The following ST6GALNAC3 variants were observed in gnomAD, a reference collection of about 807,000 sequenced individuals.
ST6GALNAC3 encodes the protein alpha-N-acetylgalactosaminide alpha-2,6-sialyltransferase 3.
ST6GALNAC3 carries 25 observed loss-of-function variants against 32.7 expected under a neutral mutation model. The ratio of observed to expected loss-of-function variants is 0.76; its 90% confidence interval spans 0.56 to 1.07. The LOEUF (loss-of-function observed/expected upper bound fraction) is 1.07. ST6GALNAC3 is among the 50% of genes least tolerant of loss of function. The pLI, the probability that ST6GALNAC3 is intolerant of heterozygous loss-of-function variation, is 0.00. For synonymous variants in ST6GALNAC3, 129 were observed against 133.1 expected (o/e 0.97, Z 0.21); for missense variants, 355 against 382.4 (o/e 0.93, Z 0.60).
chr1:76,408,351 C>T (rs1267327627), intron 2 of ST6GALNAC3, among the ~76,000 whole-genome samples: 1 of 152,048 alleles, frequency 6.6e-6, no homozygotes, highest in African/African-American at 2.4e-5. Context: ...AAGATGACGG[C>T]CATGGTGACA....
chr1:76,630,214 T>A lies in ST6GALNAC3; in HGVS notation c.*1408T>A, dbSNP rs1045045468. The A allele has an allele frequency of 1.1e-5, 11 of 985,104 alleles. No homozygotes were observed. The African/African-American group carries it at 1.9e-4, about 17-fold the overall frequency. 61.0% of individuals were successfully genotyped at this position (985,104 alleles called of 1,614,324 possible). A position where few individuals can be genotyped will look rare whatever the true frequency, so the allele number is the denominator to read the frequency against. On this transcript the variant is annotated 3_prime_UTR_variant, in exon 5 of 5. Coordinates refer to ENST00000328299, the MANE Select transcript of ST6GALNAC3 (RefSeq NM_152996.4). ...TAAACTAGTAACCAGTTGATCTCTGTGCCAAATACATTATATCAGGATTAC... is the reference window on the plus strand; with the variant it reads ...TAAACTAGTAACCAGTTGATCTCTGAGCCAAATACATTATATCAGGATTAC...
chr1:76,201,882 C>G (rs895672668), intron 1 of ST6GALNAC3, among the ~76,000 whole-genome samples: 1 of 152,076 alleles, frequency 6.6e-6, no homozygotes, highest in African/African-American at 2.4e-5. Flanking sequence ...TTTATAATTA[C>G]TAAGAACCCC....
chr1:76,344,562 C>A (rs1168044665), intron 2 of ST6GALNAC3, among the ~76,000 whole-genome samples: 1 of 152,154 alleles, frequency 6.6e-6, no homozygotes, highest in Non-Finnish European at 1.5e-5. Context: ...ATGGCTGTCT[C>A]TACTGCTTAG....
At chr1:76,380,273 A>T (rs998184891) in intron 2 of ST6GALNAC3, among the ~76,000 whole-genome samples, 3 of 152,174 alleles carry the variant, frequency 2.0e-5, no homozygotes, top group African/African-American at 7.2e-5. Flanking sequence ...ATGAGATAAA[A>T]ATACTACCAG....
At chr1:76,429,496 C>T (rs1361240124) in intron 3 of ST6GALNAC3, among the ~76,000 whole-genome samples, 3 of 152,156 alleles carry the variant, frequency 2.0e-5, no homozygotes, top group Non-Finnish European at 4.4e-5. Context: ...CCTCCACTGA[C>T]ATTTTATTGC....
intron 1 of ST6GALNAC3, among the ~76,000 whole-genome samples, chr1:76,095,334 C>T (rs781663625): frequency 6.6e-6 from 1 of 151,986 alleles, no homozygotes; most frequent in Non-Finnish European, 1.5e-5. Context: ...ATTTTATTTA[C>T]AATTTGTACT....
intron 2 of ST6GALNAC3, among the ~76,000 whole-genome samples, chr1:76,335,811 GC>G (rs1415487423): frequency 1.3e-5 from 2 of 152,122 alleles, no homozygotes; most frequent in Non-Finnish European, 2.9e-5. Flanking sequence ...AAAAAATATT[GC>G]ACCAGGTGGG....
At chr1:76,308,082 A>G (rs1661172204) in intron 1 of ST6GALNAC3, among the ~76,000 whole-genome samples, 1 of 152,164 alleles carries the variant, frequency 6.6e-6, no homozygotes. Flanking sequence ...AAAGCAATTC[A>G]TCAGATCTAT....
intron 2 of ST6GALNAC3, among the ~76,000 whole-genome samples, chr1:76,340,770 T>C (rs1647898651): frequency 6.6e-6 from 1 of 151,766 alleles, no homozygotes; most frequent in Non-Finnish European, 1.5e-5. Context: ...AGAGAAGGCT[T>C]CCCCTGGAAG....
intron 3 of ST6GALNAC3, among the ~76,000 whole-genome samples, chr1:76,459,891 G>T (rs1021228702): frequency 3.9e-5 from 6 of 152,132 alleles, no homozygotes; most frequent in African/African-American, 1.4e-4. Flanking sequence ...TCAATCATCA[G>T]TTGATAGATG....
rs757252428 is a variant in ST6GALNAC3 at position 76,307,938 on chromosome 1, C to G, written c.19-5867C>G. ...TAAATGATATTCCCACTCTAAAGAG[C>G]AAGCAGCTAGAATGCCATGTTTTTG... On this transcript the variant is annotated intron_variant, in intron 1 of 4. Transcript: ENST00000328299. The G allele has an allele frequency of 8.6e-5, 44 of 511,664 alleles. 1 individual carries two copies. The highest frequency in any genetic ancestry group is 6.0e-4 in the South Asian group (42 of 70,364). 31.7% of individuals were successfully genotyped at this position (511,664 alleles called of 1,614,324 possible). A position where few individuals can be genotyped will look rare whatever the true frequency, so the allele number is the denominator to read the frequency against.
chr1:76,548,559 T>C (rs578033288), intron 3 of ST6GALNAC3, among the ~76,000 whole-genome samples: 174 of 152,300 alleles, frequency 1.1e-3, no homozygotes, highest in Non-Finnish European at 2.1e-3. Flanking sequence ...AAGTCTTTCT[T>C]ACGTGAGGCG....
At chr1:76,322,418 C>T (rs1050158247) in intron 2 of ST6GALNAC3, among the ~76,000 whole-genome samples, 2 of 152,174 alleles carry the variant, frequency 1.3e-5, no homozygotes, top group Non-Finnish European at 2.9e-5. Flanking sequence ...AAGAGAACAA[C>T]ATGGACCCAA....
chr1:76,506,112 G>T (rs1225000628), intron 3 of ST6GALNAC3, among the ~76,000 whole-genome samples: 1 of 152,202 alleles, frequency 6.6e-6, no homozygotes, highest in African/African-American at 2.4e-5. Flanking sequence ...GTGAGATCAT[G>T]ATAGTCAGTC....
intron 1 of ST6GALNAC3, among the ~76,000 whole-genome samples, chr1:76,283,191 T>G (rs547053455): frequency 2.6e-5 from 4 of 152,250 alleles, no homozygotes; most frequent in African/African-American, 9.6e-5. Flanking sequence ...AGCTTTGTTT[T>G]GTTTGTTTGT....
intron 3 of ST6GALNAC3, among the ~76,000 whole-genome samples, chr1:76,529,855 A>C (rs1029657286): frequency 6.6e-6 from 1 of 152,128 alleles, no homozygotes; most frequent in Non-Finnish European, 1.5e-5. Context: ...ATTTATGCAA[A>C]CATTGGGGTG....
intron 2 of ST6GALNAC3, among the ~76,000 whole-genome samples, chr1:76,350,746 G>A (rs4949627): frequency 0.99 from 151,020 of 152,306 alleles, 74,890 homozygotes; most frequent in East Asian, 1. Context: ...TCTCATCTAA[G>A]ACATGTAATA....
At chr1:76,193,745 A>G (rs988734274) in intron 1 of ST6GALNAC3, among the ~76,000 whole-genome samples, 2 of 152,180 alleles carry the variant, frequency 1.3e-5, no homozygotes, top group African/African-American at 4.8e-5. Flanking sequence ...GGTGGCTTAA[A>G]CAACAGAAAT....
At chr1:76,230,450 T>C (rs1368307008) in intron 1 of ST6GALNAC3, among the ~76,000 whole-genome samples, 1 of 152,186 alleles carries the variant, frequency 6.6e-6, no homozygotes, top group Non-Finnish European at 1.5e-5. Flanking sequence ...ATTTTCAAAT[T>C]ATCTTTTATT....
Sources: gnomAD v4.1 joint callset for allele counts (sites outside exome capture counted in the v4.1 genomes callset) on GRCh38, gnomAD v4.1.1 for gene constraint, MANE v1.5 for transcripts, NCBI Gene and HGNC (gene_info 2026-07-23, HGNC 2026-07-21) for gene names.